Variants in GLT1D1 observed in about 807,000 individuals in gnomAD.
GLT1D1 encodes the protein glycosyltransferase 1 domain containing 1.
A neutral mutation model predicts 28.7 loss-of-function variants in GLT1D1; 21 were observed. The observed-to-expected ratio is 0.73, with a 90% CI of 0.52 to 1.05. The LOEUF (loss-of-function observed/expected upper bound fraction) is 1.05, where lower values mean the gene tolerates loss of function less well. Ranked by LOEUF, GLT1D1 falls within the 50% of genes least tolerant of loss-of-function variation. The probability of loss-of-function intolerance (pLI) is 0.00; values close to 1 mark genes in which losing one functional copy is unlikely to be tolerated. For synonymous variants in GLT1D1, 147 were observed against 124.8 expected (o/e 1.18, Z -1.19); for missense variants, 343 against 330.6 (o/e 1.04, Z -0.29).
At chr12:128,905,074 C>T (rs1275660339) in intron 4 of GLT1D1, among the ~76,000 whole-genome samples, 9 of 118,406 alleles carry the variant, frequency 7.6e-5, no homozygotes. Context: ...TGGCCCATTT[C>T]CCACCCTAAA....
chr12:128,959,119 G>T (rs1877628921), intron 7 of GLT1D1, among the ~76,000 whole-genome samples: 1 of 151,784 alleles, frequency 6.6e-6, no homozygotes, highest in South Asian at 2.1e-4. Context: ...TTACAGGCAT[G>T]AGCACCACCT....
intron 7 of GLT1D1, among the ~76,000 whole-genome samples, chr12:128,978,695 C>T (rs116128775): frequency 0.013 from 1,969 of 152,220 alleles, 49 homozygotes; most frequent in African/African-American, 0.04. Context: ...AAAGTGAAAG[C>T]GAGTTTATTA....
intron 4 of GLT1D1, chr12:128,944,546 G>A: frequency 2.5e-6 from 2 of 798,832 alleles, no homozygotes; most frequent in Non-Finnish European, 4.5e-6. Context: ...TTGTAGACTT[G>A]GCCATTGGTG....
Position 128,945,385 on chromosome 12 carries a change from G to T in GLT1D1, c.419+16G>T, listed in dbSNP as rs749842181. On this transcript the variant is annotated intron_variant, in intron 5 of 7. Transcript: ENST00000281703. Reference sequence around the variant, plus strand: ...AAGTGAAAAGGTAAGAGTTGGTGGAGACCAGTCATTTTGCAGAACGGGAAG... The same window carrying T: ...AAGTGAAAAGGTAAGAGTTGGTGGATACCAGTCATTTTGCAGAACGGGAAG... 6.2e-7 allele frequency: 1 copy of T among 1,610,076 alleles called. No individual in the cohort carries two copies. Among genetic ancestry groups the T allele is most frequent in the Non-Finnish European group, 8.5e-7 (1 of 1,176,234 alleles).
intron 3 of GLT1D1, among the ~76,000 whole-genome samples, chr12:128,893,387 T>C (rs1047189155): frequency 9.9e-5 from 15 of 152,128 alleles, no homozygotes; most frequent in Non-Finnish European, 1.6e-4. Context: ...ATTTGCTGTT[T>C]TGTAGGCATA....
intron 6 of GLT1D1, among the ~76,000 whole-genome samples, chr12:128,949,171 A>G (rs1180140455): frequency 6.6e-6 from 1 of 152,238 alleles, no homozygotes; most frequent in African/African-American, 2.4e-5. Flanking sequence ...GTAGGTAAAT[A>G]TACATTTTTT....
intron 7 of GLT1D1, among the ~76,000 whole-genome samples, chr12:128,978,339 C>T (rs776872190): frequency 6.6e-6 from 1 of 152,162 alleles, no homozygotes; most frequent in Non-Finnish European, 1.5e-5. Flanking sequence ...TGCCCGGTGT[C>T]AGATTCCAGA....
intron 7 of GLT1D1, among the ~76,000 whole-genome samples, chr12:128,966,284 G>T (rs1878451745): frequency 6.6e-6 from 1 of 152,298 alleles, no homozygotes; most frequent in South Asian, 2.1e-4. Flanking sequence ...CCCCAGGGGT[G>T]GCTGGCTGCA....
rs1236189287 is a variant in GLT1D1, at chr12:128,957,645, T to C, written c.639+2T>C. 7 of 1,583,330 alleles carry C rather than the reference T, an allele frequency of 4.4e-6. No homozygotes were observed. The highest frequency in any genetic ancestry group is 6.1e-6 in the Non-Finnish European group (7 of 1,152,028). ...GGGCTACTGTTTTCCAATCCTCAGG[T>C]AAAGAAAAGTTCTTTCCCTCCATTC... On this transcript the variant is annotated splice_donor_variant, in intron 7 of 7. Coordinates refer to ENST00000281703, the MANE Select transcript of GLT1D1 (RefSeq NM_144669.3). LOFTEE classifies it high-confidence loss of function.
At chr12:128,883,442 T>G (rs1957107087) in intron 2 of GLT1D1, among the ~76,000 whole-genome samples, 1 of 151,012 alleles carries the variant, frequency 6.6e-6, no homozygotes, top group East Asian at 2.0e-4. Context: ...ATACAAAAAT[T>G]AGCTGGGCAT....
intron 6 of GLT1D1, among the ~76,000 whole-genome samples, chr12:128,956,032 G>A (rs1023528669): frequency 3.3e-5 from 5 of 151,212 alleles, no homozygotes; most frequent in African/African-American, 4.9e-5. Flanking sequence ...GATGGCGGGC[G>A]CCTGTAGTCC....
chr12:128,944,126 T>C, intron 4 of GLT1D1: 1 of 303,888 alleles, frequency 3.3e-6, no homozygotes, highest in Admixed American at 4.4e-5. Context: ...ATCCTTAGTA[T>C]CTAGAATCAA....
rs770737570 is a variant in GLT1D1 at position 128,957,543 on chromosome 12, A to C, written c.541-2A>C. Reference sequence around the variant, plus strand: ...CACCCCCTTTTCTCCTGTCTCCTCCAGGCAATGGATTTAGAAGTACCGGTA... The same window carrying C: ...CACCCCCTTTTCTCCTGTCTCCTCCCGGCAATGGATTTAGAAGTACCGGTA... On this transcript the variant is annotated splice_acceptor_variant, in intron 6 of 7. Transcript: ENST00000281703. LOFTEE classifies it high-confidence loss of function. 1 of 1,608,814 alleles carries C rather than the reference A, an allele frequency of 6.2e-7. No individual in the cohort carries two copies. The highest frequency in any genetic ancestry group is 2.2e-5 in the East Asian group (1 of 44,832).
chr12:128,921,461 G>A (rs1872647522), intron 4 of GLT1D1, among the ~76,000 whole-genome samples: 1 of 151,744 alleles, frequency 6.6e-6, no homozygotes, highest in African/African-American at 2.4e-5. Context: ...CATGTAGTCA[G>A]CCTAAAGTAT....
At chr12:128,876,118 C>G in intron 2 of GLT1D1, 56 bp downstream of exon 2, 1 of 1,469,754 alleles carries the variant, frequency 6.8e-7, no homozygotes, top group Non-Finnish European at 9.3e-7. Context: ...ACCGGAAGTG[C>G]CTGTAATGTC....
intron 7 of GLT1D1, among the ~76,000 whole-genome samples, chr12:128,970,605 T>C (rs4586212): frequency 0.71 from 108,200 of 152,270 alleles, 39,108 homozygotes; most frequent in East Asian, 0.89. Context: ...TTGCACAGCT[T>C]GCGCTGCCCC....
intron 4 of GLT1D1, among the ~76,000 whole-genome samples, chr12:128,933,019 C>T (rs1371789035): frequency 1.3e-5 from 2 of 152,240 alleles, no homozygotes; most frequent in Admixed American, 1.3e-4. Flanking sequence ...AGCCTCACAG[C>T]GTGGGGGGCC....
intron 6 of GLT1D1, among the ~76,000 whole-genome samples, chr12:128,948,781 G>GA (rs1389032235): frequency 6.6e-6 from 1 of 151,674 alleles, no homozygotes; most frequent in African/African-American, 2.4e-5. Context: ...AATAAACTAG[G>GA]AAAAAAATCC....
At chr12:128,978,289 G>T (rs1213436549) in intron 7 of GLT1D1, among the ~76,000 whole-genome samples, 1 of 152,130 alleles carries the variant, frequency 6.6e-6, no homozygotes, top group Non-Finnish European at 1.5e-5. Context: ...ACTCAGGTCT[G>T]CAAGTCCTGC....
Sources: gnomAD v4.1 joint callset for allele counts (sites outside exome capture counted in the v4.1 genomes callset) on GRCh38, gnomAD v4.1.1 for gene constraint, MANE v1.5 for transcripts, NCBI Gene and HGNC (gene_info 2026-07-23, HGNC 2026-07-21) for gene names.